The following KIAA0825 variants were observed in gnomAD, a reference collection of about 807,000 sequenced individuals.
KIAA0825 encodes the protein KIAA0825.
Under a neutral mutation model 147.6 loss-of-function variants are expected in KIAA0825, and 119 were observed. The ratio of observed to expected loss-of-function variants is 0.81; its 90% CI spans 0.69 to 0.94. KIAA0825 has a LOEUF of 0.94. Among genes scored for constraint, KIAA0825 ranks in the 40% least tolerant of loss-of-function variants. The pLI is 0.00. For missense variants in KIAA0825, 1,381 were observed against 1,472.7 expected, an observed-to-expected ratio of 0.94 and a Z score of 1.02; for synonymous variants, 470 against 518.1, an observed-to-expected ratio of 0.91 and a Z score of 1.26.
At chr5:94,202,330 C>A (rs1322649970) in intron 20 of KIAA0825, among the ~76,000 whole-genome samples, 1 of 152,086 alleles carries the variant, frequency 6.6e-6, no homozygotes, top group East Asian at 1.9e-4. Flanking sequence ...AGGTCCTAGC[C>A]TGCTATATTG....
intron 20 of KIAA0825, among the ~76,000 whole-genome samples, chr5:94,196,268 T>C (rs1771121531): frequency 6.6e-6 from 1 of 152,180 alleles, no homozygotes; most frequent in Admixed American, 6.5e-5. Context: ...CCTGCTAATG[T>C]CCCTGTACTT....
chr5:94,235,048 A>C (rs547609486), intron 20 of KIAA0825, among the ~76,000 whole-genome samples: 1 of 152,054 alleles, frequency 6.6e-6, no homozygotes, highest in Non-Finnish European at 1.5e-5. Flanking sequence ...AAATTGAAAT[A>C]GGCCCATTAA....
intron 20 of KIAA0825, among the ~76,000 whole-genome samples, chr5:94,299,489 A>G (rs2150177798): frequency 6.6e-6 from 1 of 152,052 alleles, no homozygotes; most frequent in South Asian, 2.1e-4. Context: ...TGCTGAGATT[A>G]CAGGCATGAG....
At chr5:94,487,979 A>G (rs1763258917) in intron 5 of KIAA0825, among the ~76,000 whole-genome samples, 1 of 152,046 alleles carries the variant, frequency 6.6e-6, no homozygotes, top group South Asian at 2.1e-4. Flanking sequence ...AAAACAAAAA[A>G]ATGGCTCCAT....
At chr5:94,308,216 GA>G in intron 20 of KIAA0825, among the ~76,000 whole-genome samples, 1 of 151,744 alleles carries the variant, frequency 6.6e-6, no homozygotes, top group East Asian at 1.9e-4. Context: ...AAAATACTCT[GA>G]CCTCTGGTAC....
At position 94,400,096 on chromosome 5, in the gene KIAA0825, G is replaced by T. The variant is rs147585771; in HGVS notation, c.2887+3473C>A. 4.0e-3 allele frequency among the ~76,000 whole-genome samples: 603 copies of T among 152,120 alleles called. 6 individuals are homozygous for T. The highest frequency in any genetic ancestry group is 0.02 in the Middle Eastern group (6 of 294). Reference sequence around the variant, plus strand: ...ACATGAAACCAGTATATCCTTAGCTGTGCCCACAAAATCATGGCATTTATT... The same window carrying T: ...ACATGAAACCAGTATATCCTTAGCTTTGCCCACAAAATCATGGCATTTATT... On this transcript the variant is annotated intron_variant, in intron 16 of 20. Coordinates refer to ENST00000682413, the MANE Select transcript of KIAA0825 (RefSeq NM_001145678.3).
At chr5:94,192,832 C>T (rs1452032002) in intron 20 of KIAA0825, among the ~76,000 whole-genome samples, 1 of 152,208 alleles carries the variant, frequency 6.6e-6, no homozygotes, top group Non-Finnish European at 1.5e-5. Flanking sequence ...CTCTTTGCCA[C>T]AGAAACCTTA....
At chr5:94,602,264 T>C (rs1324619322) in intron 1 of KIAA0825, among the ~76,000 whole-genome samples, 1 of 151,600 alleles carries the variant, frequency 6.6e-6, no homozygotes, top group Non-Finnish European at 1.5e-5. Context: ...GGCAGGAGAA[T>C]GGCGTGAACC....
chr5:94,547,440 T>TA (rs1270065922), intron 2 of KIAA0825, among the ~76,000 whole-genome samples: 2 of 150,792 alleles, frequency 1.3e-5, no homozygotes, highest in South Asian at 2.1e-4. Flanking sequence ...AGTCATAGAT[T>TA]AAAAAAAAAG....
At chr5:94,430,071 T>A (rs544031249) in intron 14 of KIAA0825, among the ~76,000 whole-genome samples, 2 of 151,766 alleles carry the variant, frequency 1.3e-5, no homozygotes, top group Admixed American at 1.3e-4. Flanking sequence ...ACAGGAGGGG[T>A]GGGGCAACTC....
chr5:94,491,296 G>A (rs1763703240), intron 5 of KIAA0825, among the ~76,000 whole-genome samples: 1 of 152,066 alleles, frequency 6.6e-6, no homozygotes, highest in Non-Finnish European at 1.5e-5. Flanking sequence ...TAATACAAAT[G>A]GAAGATCTTC....
chr5:94,243,060 C>A (rs1263849599), intron 20 of KIAA0825, among the ~76,000 whole-genome samples: 1 of 152,144 alleles, frequency 6.6e-6, no homozygotes, highest in African/African-American at 2.4e-5. Flanking sequence ...TGATTGTGGG[C>A]AAGTTATAGA....
At chr5:94,465,182 C>T in intron 10 of KIAA0825, 123 bp from the exon 11 acceptor site, 1 of 795,736 alleles carries the variant, frequency 1.3e-6, no homozygotes, top group Non-Finnish European at 1.9e-6. Context: ...CACTAGAAGA[C>T]CAACAAAGAT....
intron 20 of KIAA0825, among the ~76,000 whole-genome samples, chr5:94,258,490 A>G (rs1408003440): frequency 6.6e-6 from 1 of 151,988 alleles, no homozygotes; most frequent in African/African-American, 2.4e-5. Context: ...GGCCAAAAAC[A>G]TTGTTAACAA....
At chr5:94,168,449 T>G (rs543349533) in intron 20 of KIAA0825, among the ~76,000 whole-genome samples, 1 of 152,336 alleles carries the variant, frequency 6.6e-6, no homozygotes, top group East Asian at 1.9e-4. Flanking sequence ...ATTTGTTCTA[T>G]ATATTTAAGT....
At chr5:94,331,120 G>C (rs1245656082) in intron 20 of KIAA0825, among the ~76,000 whole-genome samples, 1 of 149,660 alleles carries the variant, frequency 6.7e-6, no homozygotes, top group Non-Finnish European at 1.5e-5. Context: ...GGGCAAAAGA[G>C]TGAGACTCTG....
chr5:94,591,887 T>C (rs1215837485), intron 1 of KIAA0825, among the ~76,000 whole-genome samples: 1 of 152,172 alleles, frequency 6.6e-6, no homozygotes, highest in East Asian at 1.9e-4. Context: ...GGAACTCCCA[T>C]TTATAAAACC....
intron 14 of KIAA0825, among the ~76,000 whole-genome samples, chr5:94,417,958 C>G (rs538808982): frequency 6.6e-6 from 1 of 152,188 alleles, no homozygotes; most frequent in East Asian, 1.9e-4. Flanking sequence ...TTTTAATTGT[C>G]CTTTTCAACC....
chr5:94,311,313 C>T (rs1344466555), intron 20 of KIAA0825, among the ~76,000 whole-genome samples: 1 of 150,524 alleles, frequency 6.6e-6, no homozygotes, highest in Non-Finnish European at 1.5e-5. Context: ...CATAAAAGAG[C>T]AGGGGGACGA....
Sources: allele counts gnomAD v4.1 joint callset (sites outside exome capture counted in the v4.1 genomes callset), GRCh38; gene constraint gnomAD v4.1.1; transcripts MANE v1.5; gene names NCBI Gene and HGNC (gene_info 2026-07-23, HGNC 2026-07-21).